CLDN1: variants seen among roughly 807,000 people sequenced by gnomAD.
The protein encoded by CLDN1 is claudin 1.
CLDN1 carries 12 observed loss-of-function variants against 22.6 expected under a neutral mutation model. The ratio of observed to expected loss-of-function variants is 0.53; its 90% CI spans 0.34 to 0.86. The LOEUF is 0.86. Among genes scored for constraint, CLDN1 ranks in the 40% least tolerant of loss-of-function variants. The pLI is 0.02. For synonymous variants in CLDN1, 99 were observed against 103.8 expected (o/e 0.95, Z 0.28); for missense variants, 250 against 269.5 (o/e 0.93, Z 0.51).
Position 190,322,402 on chromosome 3 carries a change from T to C in CLDN1, c.-196A>G. The C allele has an allele frequency of 3.3e-6, 2 of 612,518 alleles. No homozygotes were observed. The highest frequency in any genetic ancestry group is 4.4e-4 in the Middle Eastern group (1 of 2,286). The allele number at this position is 612,518 out of a possible 1,614,324, so 37.9% of individuals were successfully genotyped here. Reference sequence around the variant, plus strand: ...CCGCGCCCGGGGCGGCGCTGGAGTCTGGATACTAGAAGCTGCGGTTGCTCC... The same window carrying C: ...CCGCGCCCGGGGCGGCGCTGGAGTCCGGATACTAGAAGCTGCGGTTGCTCC... On this transcript the variant is annotated 5_prime_UTR_variant, in exon 1 of 4. Coordinates refer to ENST00000295522, the MANE Select transcript of CLDN1 (RefSeq NM_021101.5).
chr3:190,320,200 A>G (rs1716882119), intron 1 of CLDN1, among the ~76,000 whole-genome samples: 1 of 152,222 alleles, frequency 6.6e-6, no homozygotes, highest in African/African-American at 2.4e-5. Flanking sequence ...GAGTATTTAC[A>G]ACATAGATCA....
At chr3:190,320,808 C>T (rs1024535722) in intron 1 of CLDN1, among the ~76,000 whole-genome samples, 1 of 152,092 alleles carries the variant, frequency 6.6e-6, no homozygotes, top group African/African-American at 2.4e-5. Flanking sequence ...ACTAAGGGAT[C>T]TTTTCTTCAA....
In CLDN1 at chr3:190,322,056, A is replaced by G. The variant is rs1463009161; in HGVS notation, c.151T>C (p.Trp51Arg). 1.2e-6 allele frequency: 2 copies of G among 1,614,108 alleles called. No homozygotes were observed. Among genetic ancestry groups the G allele is most frequent in the Non-Finnish European group, 1.7e-6 (2 of 1,180,040 alleles). Residue 51 changes from tryptophan to arginine, a missense_variant, in exon 1 of 4, where the codon TGG (tryptophan) becomes CGG (arginine). Physicochemically the swap from Trp to Arg is moderately radical, Grantham distance 101. Coordinates refer to ENST00000295522, the MANE Select transcript of CLDN1 (RefSeq NM_021101.5). ...VTAQAMYEGL[W>R]MSCVSQSTGQ... ...GTGCTCTGCGACACGCAGGACATCC[A>G]CAGCCCCTCGTACATGGCCTGGGCG...
At chr3:190,311,421 A>G (rs1230280449) in intron 2 of CLDN1, among the ~76,000 whole-genome samples, 1 of 152,202 alleles carries the variant, frequency 6.6e-6, no homozygotes, top group Non-Finnish European at 1.5e-5. Context: ...GAGACTGGTC[A>G]TTTTAAACTA....
chr3:190,315,307 T>G (rs1386535914), intron 1 of CLDN1, among the ~76,000 whole-genome samples: 1 of 152,122 alleles, frequency 6.6e-6, no homozygotes. Context: ...CTTTAAAGTT[T>G]AAAGTCCTAC....
At chr3:190,311,522 T>C (rs2108607909) in intron 2 of CLDN1, among the ~76,000 whole-genome samples, 1 of 152,228 alleles carries the variant, frequency 6.6e-6, no homozygotes, top group South Asian at 2.1e-4. Context: ...ACAAGTCTTC[T>C]GTCAAAAAGA....
rs1716500331 is a variant in CLDN1, at chr3:190,307,880, T to C, written c.*397A>G. 1 of 164,570 alleles carries C rather than the reference T, an allele frequency of 6.1e-6. No individual in the cohort carries two copies. The highest frequency in any genetic ancestry group is 1.3e-5 in the Non-Finnish European group (1 of 75,256). 10.2% of individuals were successfully genotyped at this position (164,570 alleles called of 1,614,324 possible). ...ACATCTTCATCAATATGGAATTAAA[T>C]ACATTTACCTATTTTAGAGATATTT... is the stretch of plus-strand genomic sequence containing the variant. On this transcript the variant is annotated 3_prime_UTR_variant, in exon 4 of 4. Coordinates refer to ENST00000295522, the MANE Select transcript of CLDN1 (RefSeq NM_021101.5).
intron 2 of CLDN1, among the ~76,000 whole-genome samples, chr3:190,312,466 C>T (rs189429398): frequency 6.6e-6 from 1 of 152,320 alleles, no homozygotes; most frequent in East Asian, 1.9e-4. Context: ...CCCAATCCTT[C>T]CATCCCTCAC....
At chr3:190,320,719 T>A (rs188127988) in intron 1 of CLDN1, among the ~76,000 whole-genome samples, 1 of 152,312 alleles carries the variant, frequency 6.6e-6, no homozygotes, top group Admixed American at 6.5e-5. Context: ...ACAAGTTAAG[T>A]AAACTTGAAC....
At chr3:190,311,107 T>G (rs1716604444) in intron 2 of CLDN1, among the ~76,000 whole-genome samples, 1 of 152,162 alleles carries the variant, frequency 6.6e-6, no homozygotes, top group Non-Finnish European at 1.5e-5. Context: ...CAGAAAACAC[T>G]ATTGCTTTTG....
Position 190,308,427 on chromosome 3 carries a change from A to G in CLDN1, c.486T>C (p.Gly162=), listed in dbSNP as rs765638287. The change falls in exon 4 of 4, where the codon GGT becomes GGC. Residue 162 remains glycine (G), a synonymous_variant. Transcript: ENST00000295522. The part of the protein sequence containing the change: ...MTPVNARYEF[G]QALFTGWAAA... ...CAGCCCAGCCAGTGAAGAGAGCCTG[A>G]CCAAATTCGTACCTAAAAGGAAAAA... is the stretch of plus-strand genomic sequence containing the variant. 6.2e-7 allele frequency: 1 copy of G among 1,613,674 alleles called. No individual in the cohort carries two copies. The highest frequency in any genetic ancestry group is 2.2e-5 in the East Asian group (1 of 44,882).
At chr3:190,321,895 A>G (rs1716931398) in intron 1 of CLDN1, 89 bp downstream of exon 1, 1 of 950,760 alleles carries the variant, frequency 1.1e-6, no homozygotes, top group Non-Finnish European at 1.7e-6. Flanking sequence ...ACTGATAACC[A>G]TGGAATCACA....
At chr3:190,314,323 C>A (rs919063950) in intron 1 of CLDN1, among the ~76,000 whole-genome samples, 1 of 152,172 alleles carries the variant, frequency 6.6e-6, no homozygotes, top group Admixed American at 6.5e-5. Context: ...TCTAAAACTT[C>A]ATTAAATCTT....
chr3:190,308,331 T>A lies in CLDN1; in HGVS notation c.582A>T (p.Pro194=). Reference sequence around the variant, plus strand: ...CAGGTTTTGGATAGGGCCTTGGTGTTGGGTAAGAGGTTGTTTTTCGGGGAC... The same window carrying A: ...CAGGTTTTGGATAGGGCCTTGGTGTAGGGTAAGAGGTTGTTTTTCGGGGAC... ...CSCPRKTTSY[P]TPRPYPKPAP... Residue 194 remains proline, a synonymous_variant, in exon 4 of 4, where the codon CCA becomes CCT. Transcript: ENST00000295522. The A allele has an allele frequency of 6.2e-7, 1 of 1,613,792 alleles. No homozygotes were observed. Among genetic ancestry groups the A allele is most frequent in the Non-Finnish European group, 8.5e-7 (1 of 1,179,826 alleles).
chr3:190,314,847 G>A (rs183369679), intron 1 of CLDN1, among the ~76,000 whole-genome samples: 11 of 152,240 alleles, frequency 7.2e-5, no homozygotes, highest in Admixed American at 5.2e-4. Context: ...CTCCTCATAA[G>A]CATGTATGGG....
chr3:190,313,785 C>T (rs1716689933), intron 1 of CLDN1, among the ~76,000 whole-genome samples: 1 of 152,138 alleles, frequency 6.6e-6, no homozygotes, highest in African/African-American at 2.4e-5. Flanking sequence ...CTCAGGATTC[C>T]ATTTTTTCTA....
Position 190,308,220 on chromosome 3 carries a change from T to C in CLDN1, c.*57A>G. On this transcript the variant is annotated 3_prime_UTR_variant, in exon 4 of 4. Transcript: ENST00000295522. The stretch of plus-strand genomic sequence containing the variant: ...TCTAAGGTCCTAATGTTAATGATAG[T>C]ATCTCAATGTCCATTTTCGGTTTGT... 6 of 1,584,972 alleles carry C rather than the reference T, an allele frequency of 3.8e-6. No individual in the cohort carries two copies. Among genetic ancestry groups the C allele is most frequent in the Non-Finnish European group, 5.2e-6 (6 of 1,154,394 alleles).
chr3:190,308,108 T>C lies in CLDN1; in HGVS notation c.*169A>G, dbSNP rs1222624877. Reference sequence around the variant, plus strand: ...AAGAAGATAAAATAAGATTAAGCCATGTTTAGCACTGAGTATTTTAACACA... The same window carrying C: ...AAGAAGATAAAATAAGATTAAGCCACGTTTAGCACTGAGTATTTTAACACA... On this transcript the variant is annotated 3_prime_UTR_variant, in exon 4 of 4. Transcript: ENST00000295522. 1.2e-5 allele frequency: 9 copies of C among 745,496 alleles called. No homozygotes were observed. The highest frequency in any genetic ancestry group is 2.0e-5 in the Non-Finnish European group (9 of 445,082). The allele number at this position is 745,496 out of a possible 1,614,324, so 46.2% of individuals were successfully genotyped here. A position where few individuals can be genotyped will look rare whatever the true frequency, so the allele number is the denominator to read the frequency against.
At position 190,308,137 on chromosome 3, in the gene CLDN1, G is replaced by GT. The variant is rs1239025198; in HGVS notation, c.*139dup. 3 of 1,026,134 alleles carry GT rather than the reference G, an allele frequency of 2.9e-6. No homozygotes were observed. The highest frequency in any genetic ancestry group is 4.5e-6 in the Non-Finnish European group (3 of 663,348). 63.6% of individuals were successfully genotyped at this position (1,026,134 alleles called of 1,614,324 possible). A position where few individuals can be genotyped will look rare whatever the true frequency, so the allele number is the denominator to read the frequency against. On this transcript the variant is annotated 3_prime_UTR_variant, in exon 4 of 4. Coordinates refer to ENST00000295522, the MANE Select transcript of CLDN1 (RefSeq NM_021101.5). ...TAGCACTGAGTATTTTAACACATGG[G>GT]TTTTTTGTTTGTTTGTTTGTTTTGT... is the stretch of plus-strand genomic sequence containing the variant.
Sources: allele counts gnomAD v4.1 joint callset (sites outside exome capture counted in the v4.1 genomes callset), GRCh38; gene constraint gnomAD v4.1.1; transcripts MANE v1.5; gene names NCBI Gene and HGNC (gene_info 2026-07-23, HGNC 2026-07-21).